Variants in PDZD2 observed in about 807,000 individuals in gnomAD.
PDZD2 encodes the protein PDZ domain containing 2, also known as PDZ domain-containing protein 2.
A neutral mutation model predicts 220.7 loss-of-function variants in PDZD2; 90 were observed. The observed-to-expected ratio is 0.41, with a 90% CI of 0.34 to 0.49. The LOEUF is 0.49. PDZD2 is among the 20% of genes least tolerant of loss of function. The pLI is 0.28. For synonymous variants in PDZD2, 1,375 were observed against 1,450.5 expected, an observed-to-expected ratio of 0.95 and a Z score of 1.18; for missense variants, 3,174 against 3,608.5, an observed-to-expected ratio of 0.88 and a Z score of 3.08.
chr5:31,750,754 A>G (rs1300785612), intron 1 of PDZD2, among the ~76,000 whole-genome samples: 2 of 152,158 alleles, frequency 1.3e-5, no homozygotes, highest in Admixed American at 6.5e-5. Context: ...GTGCATTCCC[A>G]CCAGTGAGAG....
intron 1 of PDZD2, among the ~76,000 whole-genome samples, chr5:31,791,590 CA>C (rs1157216997): frequency 0.048 from 2,446 of 50,444 alleles, 28 homozygotes; most frequent in African/African-American, 0.14. Flanking sequence ...AACTCCGTCT[CA>C]AAAAAAAAAA....
chr5:31,876,660 T>C (rs1166386121), intron 2 of PDZD2, among the ~76,000 whole-genome samples: 1 of 152,244 alleles, frequency 6.6e-6, no homozygotes, highest in Non-Finnish European at 1.5e-5. Flanking sequence ...AGGTTGGTCT[T>C]GATAATTAAA....
chr5:31,994,911 C>T (rs1751512108), intron 3 of PDZD2, among the ~76,000 whole-genome samples: 1 of 152,146 alleles, frequency 6.6e-6, no homozygotes, highest in South Asian at 2.1e-4. Context: ...TCATTTAATT[C>T]TAAGAACAAA....
chr5:31,946,906 A>C (rs1746687482), intron 2 of PDZD2, among the ~76,000 whole-genome samples: 1 of 152,156 alleles, frequency 6.6e-6, no homozygotes, highest in African/African-American at 2.4e-5. Context: ...TCTTAACGAC[A>C]TTGCCCAGGC....
At chr5:31,966,035 A>G (rs1251091879) in intron 2 of PDZD2, among the ~76,000 whole-genome samples, 2 of 152,166 alleles carry the variant, frequency 1.3e-5, no homozygotes, top group East Asian at 3.9e-4. Flanking sequence ...TTAGGATGGG[A>G]CTTTGGCATA....
At chr5:31,894,988 C>T (rs1051166338) in intron 2 of PDZD2, among the ~76,000 whole-genome samples, 1 of 152,164 alleles carries the variant, frequency 6.6e-6, no homozygotes, top group Non-Finnish European at 1.5e-5. Flanking sequence ...CTCCTGGGTT[C>T]AGCTGATTGT....
chr5:31,934,457 A>G (rs1427240322), intron 2 of PDZD2, among the ~76,000 whole-genome samples: 2 of 152,008 alleles, frequency 1.3e-5, no homozygotes, highest in Non-Finnish European at 2.9e-5. Context: ...TATACTAGTG[A>G]CTTTCTGTCT....
intron 1 of PDZD2, among the ~76,000 whole-genome samples, chr5:31,765,848 G>C (rs1338584826): frequency 6.6e-6 from 1 of 152,158 alleles, no homozygotes; most frequent in African/African-American, 2.4e-5. Context: ...GGCTAGTCGT[G>C]AGCTGCTGCT....
At chr5:32,042,414 A>G (rs2112259018) in intron 7 of PDZD2, among the ~76,000 whole-genome samples, 1 of 151,616 alleles carries the variant, frequency 6.6e-6, no homozygotes, top group African/African-American at 2.4e-5. Context: ...ATACAAAAAA[A>G]AAAAAAAAAT....
chr5:31,850,837 C>T (rs557580172), intron 2 of PDZD2, among the ~76,000 whole-genome samples: 25 of 151,892 alleles, frequency 1.6e-4, no homozygotes, highest in African/African-American at 5.3e-4. Flanking sequence ...GGAGTTTCGC[C>T]GTGTTAGCCA....
intron 1 of PDZD2, among the ~76,000 whole-genome samples, chr5:31,680,843 A>G (rs1746622793): frequency 6.6e-6 from 1 of 152,128 alleles, no homozygotes. Flanking sequence ...TGCCCAGCCC[A>G]GCAGCTTTTT....
chr5:32,003,338 A>ACACCCC (rs1752496025), intron 5 of PDZD2, among the ~76,000 whole-genome samples: 1 of 44,692 alleles, frequency 2.2e-5, no homozygotes, highest in African/African-American at 9.7e-5. Flanking sequence ...CCCCCACCAC[A>ACACCCC]CCACACACAC....
At position 31,639,650 on chromosome 5, in the gene PDZD2, G is replaced by A. The variant is rs1744864015; in HGVS notation, c.-361+213G>A. ...ACTCCTCTAGCATCCGGCCGGGGACGGGGAGGGCGCAGCCCAGGGGAGGGG... is the reference window on the plus strand; with the variant it reads ...ACTCCTCTAGCATCCGGCCGGGGACAGGGAGGGCGCAGCCCAGGGGAGGGG... On this transcript the variant is annotated intron_variant, in intron 1 of 24. Coordinates refer to ENST00000438447, the MANE Select transcript of PDZD2 (RefSeq NM_178140.4). The surrounding 1 kb of genome is among the most constrained non-coding windows in gnomAD (Gnocchi z 4.1). 6.6e-6 allele frequency among the ~76,000 whole-genome samples: 1 copy of A among 152,222 alleles called. No homozygotes were observed. Among genetic ancestry groups the A allele is most frequent in the Non-Finnish European group, 1.5e-5 (1 of 68,022 alleles).
Position 31,982,741 on chromosome 5 carries a change from T to C in PDZD2, c.477-414T>C, listed in dbSNP as rs367886183. Among the ~76,000 whole-genome samples, 220 of 152,336 alleles carry C rather than the reference T, an allele frequency of 1.4e-3. 1 individual carries two copies. Among genetic ancestry groups the C allele is most frequent in the African/African-American group, 5.0e-3 (210 of 41,588 alleles). On this transcript the variant is annotated intron_variant, in intron 2 of 24. Coordinates refer to ENST00000438447, the MANE Select transcript of PDZD2 (RefSeq NM_178140.4). ...CCCCTAATCCACTCTATCCATTCTT[T>C]ACCCTGGGGACTCATAGTTTTATTC...
chr5:31,897,299 C>G (rs1432143829), intron 2 of PDZD2, among the ~76,000 whole-genome samples: 1 of 152,150 alleles, frequency 6.6e-6, no homozygotes, highest in Non-Finnish European at 1.5e-5. Flanking sequence ...TATCTCTTAC[C>G]ACAGTGTGAA....
chr5:31,856,605 C>G (rs1052572102), intron 2 of PDZD2, among the ~76,000 whole-genome samples: 1 of 152,114 alleles, frequency 6.6e-6, no homozygotes, highest in Non-Finnish European at 1.5e-5. Context: ...TCCTCACGTC[C>G]CTAAATTTCC....
Position 31,799,404 on chromosome 5 carries a change from G to A in PDZD2, c.156G>A (p.Val52=). Residue 52 remains valine, a synonymous_variant, in exon 2 of 25, where the codon GTG becomes GTA. Transcript: ENST00000438447. ...AGTACATCCAGCTGAACTTTGCTGT[G>A]GATGAGAGTACGGTCCCACCTGATC... ...LQEYIQLNFA[V]DESTVPPDHS... 6.2e-7 allele frequency: 1 copy of A among 1,614,220 alleles called. No homozygotes were observed. Among genetic ancestry groups the A allele is most frequent in the South Asian group, 1.1e-5 (1 of 91,082 alleles).
rs1427042640 is a variant in PDZD2, at chr5:31,799,088, A to G, written c.-161A>G. The G allele has an allele frequency of 1.7e-6, 1 of 585,814 alleles. No individual in the cohort carries two copies. The highest frequency in any genetic ancestry group is 3.0e-6 in the Non-Finnish European group (1 of 329,160). 36.3% of individuals were successfully genotyped at this position (585,814 alleles called of 1,614,324 possible). Reference sequence around the variant, plus strand: ...CTAGCTTCCTCCTGCCAAGGCAAACAGCATAGTCTCGAGTAGGTGTCCCTA... The same window carrying G: ...CTAGCTTCCTCCTGCCAAGGCAAACGGCATAGTCTCGAGTAGGTGTCCCTA... On this transcript the variant is annotated 5_prime_UTR_variant, in exon 2 of 25. Coordinates refer to ENST00000438447, the MANE Select transcript of PDZD2 (RefSeq NM_178140.4).
At position 31,942,930 on chromosome 5, in the gene PDZD2, C is replaced by T. The variant is rs977256558; in HGVS notation, c.477-40225C>T. 3.3e-5 allele frequency among the ~76,000 whole-genome samples: 5 copies of T among 152,182 alleles called. No individual in the cohort carries two copies. The South Asian group carries it at 6.2e-4, about 19-fold the overall frequency. ...TGAAATACAGAGACAAGGCCGGGCA[C>T]GGTGACTCACGCCTGTAATCCCAGC... is the stretch of plus-strand genomic sequence containing the variant. On this transcript the variant is annotated intron_variant, in intron 2 of 24. Coordinates refer to ENST00000438447, the MANE Select transcript of PDZD2 (RefSeq NM_178140.4).
Sources: allele counts gnomAD v4.1 joint callset (sites outside exome capture counted in the v4.1 genomes callset), GRCh38; gene constraint gnomAD v4.1.1; non-coding constraint Gnocchi (gnomAD v3.1); transcripts MANE v1.5; gene names NCBI Gene and HGNC (gene_info 2026-07-23, HGNC 2026-07-21).